Variants in SMAP1 observed in about 807,000 individuals in gnomAD.
SMAP1 encodes the protein stromal membrane-associated protein 1.
Under a neutral mutation model 58.5 loss-of-function variants are expected in SMAP1, and 24 were observed. The observed-to-expected ratio is 0.41, with a 90% CI of 0.30 to 0.58. The LOEUF is 0.58. SMAP1 is among the 20% of genes least tolerant of loss of function. The pLI is 0.29. For synonymous variants in SMAP1, 216 were observed against 196.6 expected, an observed-to-expected ratio of 1.10 and a Z score of -0.82; for missense variants, 563 against 566.3, an observed-to-expected ratio of 0.99 and a Z score of 0.06.
chr6:70,745,655 G>A (rs941420829), intron 2 of SMAP1, among the ~76,000 whole-genome samples: 295 of 152,232 alleles, frequency 1.9e-3, no homozygotes, highest in Non-Finnish European at 3.7e-3. Flanking sequence ...TTGGCAATGT[G>A]GGCTCTTTTT....
intron 6 of SMAP1, among the ~76,000 whole-genome samples, chr6:70,820,164 TA>T (rs958043139): frequency 1.2e-4 from 18 of 152,190 alleles, no homozygotes; most frequent in African/African-American, 4.1e-4. Context: ...AGCAAAAATA[TA>T]AAAAATGATT....
intron 9 of SMAP1, 39 bp downstream of exon 9, chr6:70,857,069 G>C (rs377758809): frequency 1.9e-6 from 3 of 1,542,546 alleles, no homozygotes; most frequent in Non-Finnish European, 2.6e-6. Context: ...GACATTACTA[G>C]AAGTACATCC....
chr6:70,729,459 T>TGTGTGTGTGTGTGTG (rs1554194434), intron 1 of SMAP1, among the ~76,000 whole-genome samples: 20 of 128,162 alleles, frequency 1.6e-4, no homozygotes, highest in Admixed American at 5.0e-4. Flanking sequence ...AAAAAGAAGG[T>TGTGTGTGTGTGTGTG]TGTGTGTGTG....
At chr6:70,708,936 T>A (rs1261819035) in intron 1 of SMAP1, among the ~76,000 whole-genome samples, 1 of 152,242 alleles carries the variant, frequency 6.6e-6, no homozygotes, top group Non-Finnish European at 1.5e-5. Context: ...TGTTGATTGT[T>A]TCCTTTGCAT....
intron 6 of SMAP1, among the ~76,000 whole-genome samples, chr6:70,806,968 A>G (rs183259900): frequency 2.0e-5 from 3 of 152,252 alleles, no homozygotes; most frequent in Admixed American, 6.5e-5. Flanking sequence ...GTGTATTTCT[A>G]TTTGTCATAT....
intron 4 of SMAP1, 49 bp from the exon 5 acceptor site, chr6:70,791,640 T>A: frequency 1.3e-6 from 2 of 1,495,518 alleles, no homozygotes; most frequent in Non-Finnish European, 1.8e-6. Context: ...CAATTCTCAT[T>A]ACCTTCTTTT....
intron 1 of SMAP1, among the ~76,000 whole-genome samples, chr6:70,728,051 G>C (rs1248158662): frequency 6.6e-6 from 1 of 152,044 alleles, no homozygotes; most frequent in East Asian, 1.9e-4. Flanking sequence ...GCAATAGAGT[G>C]AGACCCTGTC....
At chr6:70,678,615 C>G (rs1581985042) in intron 1 of SMAP1, among the ~76,000 whole-genome samples, 1 of 152,154 alleles carries the variant, frequency 6.6e-6, no homozygotes, top group Non-Finnish European at 1.5e-5. Context: ...ATCATTTTAG[C>G]AGGTTTGCAG....
intron 6 of SMAP1, among the ~76,000 whole-genome samples, chr6:70,829,025 A>G (rs1442399051): frequency 1.3e-5 from 2 of 152,184 alleles, no homozygotes; most frequent in Non-Finnish European, 2.9e-5. Context: ...TAGCCTGGGC[A>G]GTAGAGTGCA....
chr6:70,818,810 C>G (rs1361870282), intron 6 of SMAP1, among the ~76,000 whole-genome samples: 4 of 152,134 alleles, frequency 2.6e-5, no homozygotes, highest in East Asian at 1.9e-4. Context: ...GTGCTAGTAA[C>G]GTTTCCCCAA....
intron 2 of SMAP1, among the ~76,000 whole-genome samples, chr6:70,750,209 C>T (rs1037341504): frequency 9.2e-5 from 14 of 152,068 alleles, no homozygotes; most frequent in African/African-American, 3.1e-4. Flanking sequence ...TGGAGATGCC[C>T]TGTTGACATA....
chr6:70,804,075 A>AGTG (rs1769001037), intron 6 of SMAP1, among the ~76,000 whole-genome samples: 2 of 152,238 alleles, frequency 1.3e-5, no homozygotes, highest in Admixed American at 1.3e-4. Flanking sequence ...TCTGTCTGAC[A>AGTG]TTGACAGTGG....
intron 1 of SMAP1, among the ~76,000 whole-genome samples, chr6:70,708,581 A>T (rs10945239): frequency 0.43 from 65,965 of 151,924 alleles, 14,690 homozygotes; most frequent in South Asian, 0.5. Flanking sequence ...CATTCATACC[A>T]ATAGTATATA....
chr6:70,690,923 A>G (rs1364610474), intron 1 of SMAP1, among the ~76,000 whole-genome samples: 1 of 149,522 alleles, frequency 6.7e-6, no homozygotes, highest in Admixed American at 6.7e-5. Flanking sequence ...AACTGACACT[A>G]TTCCTTAATC....
intron 6 of SMAP1, among the ~76,000 whole-genome samples, chr6:70,811,834 G>A (rs913020054): frequency 6.6e-6 from 1 of 152,130 alleles, no homozygotes; most frequent in Non-Finnish European, 1.5e-5. Context: ...GTATCCAGTA[G>A]TCCCTCTCAT....
At chr6:70,700,406 C>G (rs528541667) in intron 1 of SMAP1, among the ~76,000 whole-genome samples, 18 of 152,320 alleles carry the variant, frequency 1.2e-4, no homozygotes, top group African/African-American at 4.1e-4. Context: ...TCAAGCGATT[C>G]TTGTGCCTCA....
chr6:70,714,165 CT>C (rs201495645), intron 1 of SMAP1, among the ~76,000 whole-genome samples: 10 of 149,034 alleles, frequency 6.7e-5, no homozygotes, highest in African/African-American at 7.4e-5. Flanking sequence ...ATAGTTGGAT[CT>C]TTTTTTTTTA....
chr6:70,810,904 G>A (rs1308232082), intron 6 of SMAP1, among the ~76,000 whole-genome samples: 2 of 152,072 alleles, frequency 1.3e-5, no homozygotes. Flanking sequence ...TCAAATGGAT[G>A]TAGCATAATT....
chr6:70,709,088 TG>T (rs1177080691), intron 1 of SMAP1, among the ~76,000 whole-genome samples: 7 of 37,106 alleles, frequency 1.9e-4, no homozygotes, highest in Non-Finnish European at 3.8e-4. Context: ...GAGGTTTTTG[TG>T]TGTGTGTGTG....
Sources: gnomAD v4.1 joint callset for allele counts (sites outside exome capture counted in the v4.1 genomes callset) on GRCh38, gnomAD v4.1.1 for gene constraint, MANE v1.5 for transcripts, NCBI Gene and HGNC (gene_info 2026-07-23, HGNC 2026-07-21) for gene names.